Variants in DYNC2H1 observed in about 807,000 individuals in gnomAD.
DYNC2H1 encodes cytoplasmic dynein 2 heavy chain 1.
In DYNC2H1, 410 loss-of-function variants were observed where a neutral mutation model predicts 570.0. The ratio of observed to expected loss-of-function variants is 0.72; its 90% CI spans 0.66 to 0.78. The LOEUF is 0.78. DYNC2H1 is among the 30% of genes least tolerant of loss of function. The pLI, the probability that DYNC2H1 is intolerant of heterozygous loss-of-function variation, is 0.00. For missense variants in DYNC2H1, 4,865 were observed against 5,046.4 expected (o/e 0.96, Z 1.09); for synonymous variants, 1,688 against 1,677.6 (o/e 1.01, Z -0.15).
chr11:103,415,051 C>A (rs3018428), intron 84 of DYNC2H1, among the ~76,000 whole-genome samples: 77,142 of 151,896 alleles, frequency 0.51, 19,855 homozygotes, highest in African/African-American at 0.6. Context: ...ACCTGAGAAA[C>A]ACAAGCAATG....
intron 83 of DYNC2H1, among the ~76,000 whole-genome samples, chr11:103,389,618 T>C (rs1942045520): frequency 6.6e-6 from 1 of 152,238 alleles, no homozygotes; most frequent in African/African-American, 2.4e-5. Context: ...TTTCCTGCTT[T>C]CTCTTGTGGG....
chr11:103,260,857 G>A (rs1287311703), intron 70 of DYNC2H1, among the ~76,000 whole-genome samples: 1 of 151,726 alleles, frequency 6.6e-6, no homozygotes, highest in African/African-American at 2.4e-5. Flanking sequence ...GGCCTCATGT[G>A]ATCTGCCCTC....
rs138125543 is a variant in DYNC2H1 at position 103,363,010 on chromosome 11, G to A, written c.12156+4651G>A. Among the ~76,000 whole-genome samples, 37 of 152,038 alleles carry A rather than the reference G, an allele frequency of 2.4e-4. No individual in the cohort carries two copies. The highest frequency in any genetic ancestry group is 8.9e-4 in the African/African-American group (37 of 41,488). On this transcript the variant is annotated intron_variant, in intron 83 of 88. Coordinates refer to ENST00000375735, the MANE Select transcript of DYNC2H1 (RefSeq NM_001377.3). This position sits in a 1 kb window ranked among gnomAD's most constrained non-coding sequence, Gnocchi z 5.6. ...TGTACCACTGCACTCCAGCCTGGGC[G>A]ACAGAGCAAGACTCTGTCTCAAAAT...
chr11:103,333,553 A>T (rs1938940637), intron 82 of DYNC2H1, among the ~76,000 whole-genome samples: 1 of 152,262 alleles, frequency 6.6e-6, no homozygotes, highest in African/African-American at 2.4e-5. Flanking sequence ...GGCTTCTGAA[A>T]ACCTTAAATG....
At chr11:103,180,798 C>G (rs1238131420) in intron 39 of DYNC2H1, among the ~76,000 whole-genome samples, 1 of 151,288 alleles carries the variant, frequency 6.6e-6, no homozygotes, top group Non-Finnish European at 1.5e-5. Flanking sequence ...TCTGAAGGAG[C>G]TTAGCATCTT....
intron 84 of DYNC2H1, among the ~76,000 whole-genome samples, chr11:103,431,857 T>C (rs1268202611): frequency 1.3e-5 from 2 of 152,166 alleles, no homozygotes; most frequent in Non-Finnish European, 2.9e-5. Context: ...CATTCAACTT[T>C]TGAAGTATTG....
chr11:103,449,092 A>G (rs1944515968), intron 85 of DYNC2H1, among the ~76,000 whole-genome samples: 1 of 152,208 alleles, frequency 6.6e-6, no homozygotes, highest in Non-Finnish European at 1.5e-5. Flanking sequence ...CTATACAGGT[A>G]AATGTCTGGT....
intron 82 of DYNC2H1, among the ~76,000 whole-genome samples, chr11:103,352,506 A>G (rs2671344): frequency 0.55 from 83,449 of 152,008 alleles, 24,784 homozygotes; most frequent in Admixed American, 0.66. Flanking sequence ...ATGTGTTTTC[A>G]TATTTCCAAG....
intron 70 of DYNC2H1, among the ~76,000 whole-genome samples, chr11:103,279,321 A>G (rs17100245): frequency 0.023 from 3,473 of 152,256 alleles, 116 homozygotes; most frequent in African/African-American, 0.078. Context: ...GTTCTTACTT[A>G]TGGAAAATAA....
chr11:103,422,746 A>C (rs2135719298), intron 84 of DYNC2H1, among the ~76,000 whole-genome samples: 1 of 152,332 alleles, frequency 6.6e-6, no homozygotes, highest in South Asian at 2.1e-4. Context: ...AATGGGCAAA[A>C]GTGGGAAGTA....
chr11:103,396,026 G>C (rs2135631380), intron 83 of DYNC2H1, among the ~76,000 whole-genome samples: 1 of 152,104 alleles, frequency 6.6e-6, no homozygotes, highest in Non-Finnish European at 1.5e-5. Context: ...CGAGTCTTTT[G>C]TTATCTTTAT....
At chr11:103,445,881 T>C (rs948685360) in intron 85 of DYNC2H1, among the ~76,000 whole-genome samples, 1 of 152,158 alleles carries the variant, frequency 6.6e-6, no homozygotes, top group Non-Finnish European at 1.5e-5. Context: ...CTCAATCTCC[T>C]GACCTCGTGA....
At chr11:103,307,880 T>C in intron 78 of DYNC2H1, 49 bp downstream of exon 78, 1 of 1,071,210 alleles carries the variant, frequency 9.3e-7, no homozygotes, top group Non-Finnish European at 1.4e-6. Flanking sequence ...AGCAGTACTC[T>C]ATACATGACT....
intron 84 of DYNC2H1, chr11:103,408,419 A>G (rs572736662): frequency 3.3e-5 from 5 of 152,188 alleles, no homozygotes; most frequent in Non-Finnish European, 5.9e-5. Context: ...ATAAAGTTTT[A>G]TGCAATTACC....
rs770790055 is a variant in DYNC2H1, at chr11:103,117,736, G to T, written c.872G>T (p.Cys291Phe). Residue 291 changes from cysteine (C) to phenylalanine (F), a missense_variant, in exon 6 of 89, where the codon TGT becomes TTT. Transcript: ENST00000375735. ...AGTCTGAAAGCTGGTATTTCAATTT[G>T]TGAACAGTGGGTGATAGTCTGTAAT... Reference protein sequence around the residue: ...KESLKAGISICEQWVIVCNHL... With the variant: ...KESLKAGISIFEQWVIVCNHL... 2.5e-6 allele frequency: 4 copies of T among 1,613,248 alleles called. No homozygotes were observed. The highest frequency in any genetic ancestry group is 3.4e-6 in the Non-Finnish European group (4 of 1,179,524).
At chr11:103,392,436 C>T (rs149451067) in intron 83 of DYNC2H1, among the ~76,000 whole-genome samples, 3,763 of 152,358 alleles carry the variant, frequency 0.025, 59 homozygotes, top group Middle Eastern at 0.054. Context: ...TCCCTGACCC[C>T]TTGCGCTTAC....
chr11:103,204,711 G>T lies in DYNC2H1; in HGVS notation c.8312-111G>T. 1 of 713,492 alleles carries T rather than the reference G, an allele frequency of 1.4e-6. No homozygotes were observed. Among genetic ancestry groups the T allele is most frequent in the South Asian group, 2.3e-5 (1 of 43,730 alleles). 44.2% of individuals were successfully genotyped at this position (713,492 alleles called of 1,614,324 possible). On this transcript the variant is annotated intron_variant, in intron 51 of 88. Transcript: ENST00000375735. The surrounding 1 kb of genome is among the most constrained non-coding windows in gnomAD (Gnocchi z 4.1). ...ATAACATAATATTGTTTTATATTGT[G>T]CTCGTTTTAAGAAACAACTCCTACT...
chr11:103,428,969 GA>G (rs748965841), intron 84 of DYNC2H1, among the ~76,000 whole-genome samples: 82 of 151,756 alleles, frequency 5.4e-4, no homozygotes, highest in Non-Finnish European at 9.3e-4. Flanking sequence ...TTTTTTAATT[GA>G]AAAAATCTGG....
At chr11:103,478,073 C>T (rs1945619993) in intron 88 of DYNC2H1, among the ~76,000 whole-genome samples, 1 of 151,698 alleles carries the variant, frequency 6.6e-6, no homozygotes, top group Non-Finnish European at 1.5e-5. Context: ...TTCCCCTGAG[C>T]GAAGACTGAC....
Sources: gnomAD v4.1 joint callset for allele counts (sites outside exome capture counted in the v4.1 genomes callset) on GRCh38, gnomAD v4.1.1 for gene constraint, Gnocchi (gnomAD v3.1) non-coding constraint, MANE v1.5 for transcripts, NCBI Gene and HGNC (gene_info 2026-07-23, HGNC 2026-07-21) for gene names.